MORN4: variants seen among roughly 807,000 people sequenced by gnomAD.
MORN4 encodes MORN repeat-containing protein 4.
Under a neutral mutation model 16.4 loss-of-function variants are expected in MORN4, and 8 were observed. That is an observed-to-expected ratio of 0.49 (90% CI 0.29 to 0.88). The LOEUF is 0.88. Among genes scored for constraint, MORN4 ranks in the 40% least tolerant of loss-of-function variants. The pLI is 0.09. For synonymous variants in MORN4, 53 were observed against 68.9 expected (o/e 0.77, Z 1.14); for missense variants, 159 against 182.9 (o/e 0.87, Z 0.75).
In MORN4 at chr10:97,620,506, AAG is replaced by A. The variant is rs1282947756; in HGVS notation, c.-30-825_-30-824del. Among the ~76,000 whole-genome samples the A allele has an allele frequency of 6.9e-3, 689 of 99,494 alleles. 39 individuals carry two copies. Among genetic ancestry groups the A allele is most frequent in the East Asian group, 0.052 (208 of 3,982 alleles). The allele number at this position is 99,494 out of a possible 152,430, so 65.3% of individuals were successfully genotyped here. On this transcript the variant is annotated intron_variant, in intron 1 of 4. Transcript: ENST00000307450. ...TCTGTCTCAAAAAAAAAAAAAAAAA[AAG>A]AAAAAAAAAAGAAAATATGGGGAAC...
At chr10:97,624,942 C>T (rs1246123065) in intron 1 of MORN4, among the ~76,000 whole-genome samples, 1 of 152,132 alleles carries the variant, frequency 6.6e-6, no homozygotes, top group Admixed American at 6.6e-5. Flanking sequence ...ATCCACCTGC[C>T]GCGGCCTCCC....
In MORN4 at chr10:97,616,444, C is replaced by T. The variant is rs1364796059; in HGVS notation, c.293-33G>A. The T allele has an allele frequency of 3.3e-5, 51 of 1,567,784 alleles. No individual in the cohort carries two copies. The East Asian group carries it at 9.7e-4, about 30-fold the overall frequency. ...GAGGGCAGAGAAAATATGGGAGTGACAATGGCATTAATGTCTCAAAGATGA... is the reference window on the plus strand; with the variant it reads ...GAGGGCAGAGAAAATATGGGAGTGATAATGGCATTAATGTCTCAAAGATGA... On this transcript the variant is annotated intron_variant, in intron 4 of 4. Coordinates refer to ENST00000307450, the MANE Select transcript of MORN4 (RefSeq NM_178832.4).
At chr10:97,618,150 C>T (rs1377072952) in intron 2 of MORN4, among the ~76,000 whole-genome samples, 1 of 151,892 alleles carries the variant, frequency 6.6e-6, no homozygotes, top group African/African-American at 2.4e-5. Context: ...TGCACTCCAG[C>T]TCGGGCAACA....
chr10:97,629,734 C>T (rs2135743279), intron 1 of MORN4, among the ~76,000 whole-genome samples: 1 of 152,038 alleles, frequency 6.6e-6, no homozygotes, highest in East Asian at 1.9e-4. Context: ...AATCCATGAG[C>T]ATCATATGGG....
chr10:97,620,836 A>T (rs1387227745), intron 1 of MORN4, among the ~76,000 whole-genome samples: 1 of 152,002 alleles, frequency 6.6e-6, no homozygotes, highest in Non-Finnish European at 1.5e-5. Context: ...AAAAAACAAA[A>T]AATAGGCCGG....
chr10:97,627,061 T>TTTTG (rs1183242685), intron 1 of MORN4, among the ~76,000 whole-genome samples: 2 of 149,518 alleles, frequency 1.3e-5, no homozygotes, highest in African/African-American at 2.5e-5. Flanking sequence ...CCGGCCTGAT[T>TTTTG]TTTGTTTGTT....
intron 2 of MORN4, 134 bp downstream of exon 2, chr10:97,619,453 A>C: frequency 1.4e-6 from 1 of 719,066 alleles, no homozygotes; most frequent in South Asian, 1.6e-5. Context: ...GGAATAAAGG[A>C]ATGGCAGGCA....
At chr10:97,620,888 C>T (rs562893167) in intron 1 of MORN4, among the ~76,000 whole-genome samples, 52 of 152,058 alleles carry the variant, frequency 3.4e-4, no homozygotes, top group Admixed American at 2.0e-3. Flanking sequence ...TTTGTGAGGC[C>T]GAGGTGGGCG....
At chr10:97,618,173 C>T (rs1005643219) in intron 2 of MORN4, among the ~76,000 whole-genome samples, 19 of 151,550 alleles carry the variant, frequency 1.3e-4, no homozygotes, top group African/African-American at 4.6e-4. Flanking sequence ...AGCAAAACTC[C>T]ATCTCAAAAT....
chr10:97,621,699 A>G (rs1174031927), intron 1 of MORN4, among the ~76,000 whole-genome samples: 1 of 152,092 alleles, frequency 6.6e-6, no homozygotes, highest in Non-Finnish European at 1.5e-5. Flanking sequence ...TCCTGTCTCT[A>G]CTAAAGATAC....
chr10:97,618,269 T>TTC (rs1408111089), intron 2 of MORN4, among the ~76,000 whole-genome samples: 1 of 140,776 alleles, frequency 7.1e-6, no homozygotes, highest in Non-Finnish European at 1.6e-5. Context: ...TTTTTTTTTT[T>TTC]TTTTTTTTTT....
In MORN4 at chr10:97,616,231, C is replaced by T; in HGVS notation, c.*32G>A. The stretch of plus-strand genomic sequence containing the variant: ...TCAACAACAGGGGCACTGGCTTTAC[C>T]CAATACTTATCAGCTGGTGCCCACT... On this transcript the variant is annotated 3_prime_UTR_variant, in exon 5 of 5. Transcript: ENST00000307450. The T allele has an allele frequency of 6.5e-7, 1 of 1,538,032 alleles. No homozygotes were observed. Among genetic ancestry groups the T allele is most frequent in the Non-Finnish European group, 8.7e-7 (1 of 1,144,318 alleles).
Position 97,633,483 on chromosome 10 carries a change from A to G in MORN4, c.-167T>C. 1 of 1,289,840 alleles carries G rather than the reference A, an allele frequency of 7.8e-7. No homozygotes were observed. Among genetic ancestry groups the G allele is most frequent in the Non-Finnish European group, 1.0e-6 (1 of 988,874 alleles). 79.9% of individuals were successfully genotyped at this position (1,289,840 alleles called of 1,614,324 possible). A position where few individuals can be genotyped will look rare whatever the true frequency, so the allele number is the denominator to read the frequency against. On this transcript the variant is annotated 5_prime_UTR_variant, in exon 1 of 5. An upstream start codon of the reference 5' UTR is lost. Coordinates refer to ENST00000307450, the MANE Select transcript of MORN4 (RefSeq NM_178832.4). The surrounding 1 kb of genome is among the most constrained non-coding windows in gnomAD (Gnocchi z 4.5). ...AGCGATTGCCCCACTTGACGCCGCC[A>G]TCCTGGGCGACCGCACTGGGTACAA...
chr10:97,627,519 G>A (rs746667578), intron 1 of MORN4, among the ~76,000 whole-genome samples: 15 of 152,194 alleles, frequency 9.9e-5, no homozygotes, highest in Non-Finnish European at 2.2e-4. Context: ...CCTGACCAGA[G>A]CAGGGTTCAA....
chr10:97,633,384 C>G lies in MORN4; in HGVS notation c.-68G>C. ...TTTCGGGATGACCGTCACGCCTGGACGCAGGGTTCCAGCGCCTCGGACTTT... is the reference window on the plus strand; with the variant it reads ...TTTCGGGATGACCGTCACGCCTGGAGGCAGGGTTCCAGCGCCTCGGACTTT... On this transcript the variant is annotated 5_prime_UTR_variant, in exon 1 of 5. Coordinates refer to ENST00000307450, the MANE Select transcript of MORN4 (RefSeq NM_178832.4). This position sits in a 1 kb window ranked among gnomAD's most constrained non-coding sequence, Gnocchi z 4.5. 7.8e-7 allele frequency: 1 copy of G among 1,289,922 alleles called. No individual in the cohort carries two copies. The highest frequency in any genetic ancestry group is 1.5e-5 in the African/African-American group (1 of 66,010). The allele number at this position is 1,289,922 out of a possible 1,614,324, so 79.9% of individuals were successfully genotyped here. A position where few individuals can be genotyped will look rare whatever the true frequency, so the allele number is the denominator to read the frequency against.
intron 1 of MORN4, among the ~76,000 whole-genome samples, chr10:97,629,073 G>C (rs1008919424): frequency 1.3e-5 from 2 of 152,028 alleles, no homozygotes; most frequent in African/African-American, 4.8e-5. Flanking sequence ...GTGACTGCTT[G>C]GACCAAAAGA....
At chr10:97,616,442 G>T in intron 4 of MORN4, 31 bp from the exon 5 acceptor site, 1 of 1,569,552 alleles carries the variant, frequency 6.4e-7, no homozygotes, top group South Asian at 1.2e-5. Flanking sequence ...ATATGGGAGT[G>T]ACAATGGCAT....
At chr10:97,633,725 A>G (rs2041418450), upstream of MORN4, 6 of 1,086,886 alleles carry the variant, frequency 5.5e-6, no homozygotes, top group African/African-American at 1.6e-5. This position sits in a 1 kb window ranked among gnomAD's most constrained non-coding sequence, Gnocchi z 4.5. Flanking sequence ...GGCAACCCCA[A>G]AGAAAACCAA....
chr10:97,616,392 A>G lies in MORN4; in HGVS notation c.312T>C (p.Asp104=), dbSNP rs779816714. 1.2e-6 allele frequency: 2 copies of G among 1,607,140 alleles called. No homozygotes were observed. Among genetic ancestry groups the G allele is most frequent in the Non-Finnish European group, 1.7e-6 (2 of 1,176,888 alleles). The change falls in exon 5 of 5, where the codon GAT becomes GAC. Residue 104 remains aspartate, a synonymous_variant. Coordinates refer to ENST00000307450, the MANE Select transcript of MORN4 (RefSeq NM_178832.4). ...VDGFGLLTFP[D]GSHGIPRNEG... ...CATTGCGGGGGATTCCATGAGAACC[A>G]TCAGGGAAAGTCAGCAGGCCTTTGA...
Sources: allele counts gnomAD v4.1 joint callset (sites outside exome capture counted in the v4.1 genomes callset), GRCh38; gene constraint gnomAD v4.1.1; non-coding constraint Gnocchi (gnomAD v3.1); transcripts MANE v1.5; gene names NCBI Gene and HGNC (gene_info 2026-07-23, HGNC 2026-07-21).